The following CCNY variants were observed in gnomAD, a reference collection of about 807,000 sequenced individuals.
CCNY encodes cyclin-Y.
In CCNY, 19 loss-of-function variants were observed where a neutral mutation model predicts 42.8. That is an observed-to-expected ratio of 0.44 (90% CI 0.31 to 0.65). CCNY has a LOEUF of 0.65. Among genes scored for constraint, CCNY ranks in the 30% least tolerant of loss-of-function variants. CCNY has a pLI of 0.07. For synonymous variants in CCNY, 165 were observed against 162.7 expected (o/e 1.01, Z -0.11); for missense variants, 370 against 437.3 (o/e 0.85, Z 1.37).
intron 3 of CCNY, among the ~76,000 whole-genome samples, chr10:35,296,876 A>C (rs891539386): frequency 6.6e-6 from 1 of 152,210 alleles, no homozygotes; most frequent in African/African-American, 2.4e-5. Context: ...TACCAGATGT[A>C]TAAAGAAGAG....
intron 1 of CCNY, among the ~76,000 whole-genome samples, chr10:35,359,650 C>T (rs1388857062): frequency 1.3e-5 from 2 of 152,004 alleles, no homozygotes; most frequent in South Asian, 4.1e-4. Context: ...TTAGCCATTT[C>T]TAAGTGTACA....
chr10:35,255,896 T>C (rs1478129037), intron 3 of CCNY, among the ~76,000 whole-genome samples: 1 of 152,218 alleles, frequency 6.6e-6, no homozygotes, highest in African/African-American at 2.4e-5. Flanking sequence ...CCTCCAGCCA[T>C]ATAATTATTA....
At chr10:35,350,299 A>G (rs1205033328) in intron 1 of CCNY, among the ~76,000 whole-genome samples, 1 of 151,950 alleles carries the variant, frequency 6.6e-6, no homozygotes, top group Non-Finnish European at 1.5e-5. Context: ...AAGAGTAGTA[A>G]ATTTTTCTTC....
At chr10:35,532,754 C>T (rs1840795414) in intron 7 of CCNY, among the ~76,000 whole-genome samples, 1 of 152,218 alleles carries the variant, frequency 6.6e-6, no homozygotes, top group African/African-American at 2.4e-5. Context: ...CTCCACGAGG[C>T]CCTTCCCTTC....
At chr10:35,363,315 G>A (rs187187578) in intron 1 of CCNY, among the ~76,000 whole-genome samples, 2,105 of 150,278 alleles carry the variant, frequency 0.014, 46 homozygotes, top group African/African-American at 0.049. Context: ...TTGGGGGGCC[G>A]GGCAGAGGCG....
chr10:35,342,892 C>T (rs1226042663), intron 1 of CCNY, among the ~76,000 whole-genome samples: 1 of 152,082 alleles, frequency 6.6e-6, no homozygotes, highest in Non-Finnish European at 1.5e-5. Flanking sequence ...GAATCTGAAC[C>T]TCCTGATGGC....
chr10:35,283,884 G>C (rs1451617555), intron 3 of CCNY, among the ~76,000 whole-genome samples: 3 of 152,146 alleles, frequency 2.0e-5, no homozygotes, highest in Admixed American at 6.5e-5. Context: ...AGGAGTTCGA[G>C]ACCAGCCTAG....
intron 7 of CCNY, among the ~76,000 whole-genome samples, chr10:35,538,894 T>C (rs1300587716): frequency 1.3e-5 from 2 of 152,206 alleles, no homozygotes. Context: ...ATATCTTCCT[T>C]TAGGAGTTTT....
rs762991506 is a variant in CCNY, at chr10:35,569,184, C to T, written c.*14C>T. 7.1e-7 allele frequency: 1 copy of T among 1,407,236 alleles called. No homozygotes were observed. The highest frequency in any genetic ancestry group is 1.0e-6 in the Non-Finnish European group (1 of 995,080). 87.2% of individuals were successfully genotyped at this position (1,407,236 alleles called of 1,614,324 possible). A position where few individuals can be genotyped will look rare whatever the true frequency, so the allele number is the denominator to read the frequency against. On this transcript the variant is annotated 3_prime_UTR_variant, in exon 10 of 10. Transcript: ENST00000374704. ...ATCATCTCTTAACTACGGAGGCCCG[C>T]CGGAGGCCACACCATCCCTTAGTTT...
At chr10:35,488,782 A>C (rs1720347689) in intron 2 of CCNY, among the ~76,000 whole-genome samples, 1 of 152,176 alleles carries the variant, frequency 6.6e-6, no homozygotes, top group Non-Finnish European at 1.5e-5. Flanking sequence ...TTCAGATGAA[A>C]TTTTAATACC....
exon 3 of CCNY, chr10:35,250,598 T>C (rs1489223368): frequency 6.6e-6 from 1 of 152,320 alleles, no homozygotes; most frequent in Non-Finnish European, 1.5e-5. Context: ...CTGTGCACGT[T>C]CAGTCTGAGA....
intron 3 of CCNY, among the ~76,000 whole-genome samples, chr10:35,324,089 G>C (rs1349817095): frequency 6.6e-6 from 1 of 152,042 alleles, no homozygotes; most frequent in African/African-American, 2.4e-5. Flanking sequence ...GTGTACAAAG[G>C]GAATGTGAAA....
At chr10:35,523,034 C>A (rs1340647849) in intron 4 of CCNY, among the ~76,000 whole-genome samples, 1 of 152,132 alleles carries the variant, frequency 6.6e-6, no homozygotes, top group Non-Finnish European at 1.5e-5. Flanking sequence ...CACTGACTTA[C>A]ACAGGTTTGA....
chr10:35,390,279 A>G (rs1479257110), intron 1 of CCNY, among the ~76,000 whole-genome samples: 1 of 152,178 alleles, frequency 6.6e-6, no homozygotes, highest in African/African-American at 2.4e-5. Context: ...AAACACCCCA[A>G]AATAGTTGCC....
chr10:35,499,123 GT>G (rs113523676), intron 2 of CCNY, among the ~76,000 whole-genome samples: 3 of 149,016 alleles, frequency 2.0e-5, no homozygotes, highest in African/African-American at 2.5e-5. Flanking sequence ...GTCTGCTGTA[GT>G]TTTTTTTTTG....
At chr10:35,458,910 T>G (rs1289343912) in intron 1 of CCNY, among the ~76,000 whole-genome samples, 1 of 152,088 alleles carries the variant, frequency 6.6e-6, no homozygotes, top group Non-Finnish European at 1.5e-5. Flanking sequence ...CAGCCCTTAG[T>G]TGATTCAGAG....
At chr10:35,307,726 A>G (rs1835625057) in intron 3 of CCNY, among the ~76,000 whole-genome samples, 1 of 149,518 alleles carries the variant, frequency 6.7e-6, no homozygotes, top group Non-Finnish European at 1.5e-5. Flanking sequence ...ACACACACAC[A>G]TATATGTATA....
intron 3 of CCNY, among the ~76,000 whole-genome samples, chr10:35,295,182 T>C (rs965538828): frequency 6.6e-6 from 1 of 151,836 alleles, no homozygotes; most frequent in Non-Finnish European, 1.5e-5. Context: ...AAAAGTTATC[T>C]AATTTGTTGG....
At chr10:35,549,462 A>G (rs570466565) in intron 7 of CCNY, among the ~76,000 whole-genome samples, 2 of 149,408 alleles carry the variant, frequency 1.3e-5, no homozygotes, top group East Asian at 4.0e-4. Flanking sequence ...ACATGACCCT[A>G]CAGTGCTCGT....
Sources: gnomAD v4.1 joint callset for allele counts (sites outside exome capture counted in the v4.1 genomes callset) on GRCh38, gnomAD v4.1.1 for gene constraint, MANE v1.5 for transcripts, NCBI Gene and HGNC (gene_info 2026-07-23, HGNC 2026-07-21) for gene names.